Variants in AKAP13 observed in about 807,000 individuals in gnomAD.
AKAP13 encodes A-kinase anchoring protein 13.
In AKAP13, 80 loss-of-function variants were observed where a neutral mutation model predicts 264.5. That is an observed-to-expected ratio of 0.30 (90% confidence interval 0.25 to 0.36). The LOEUF (loss-of-function observed/expected upper bound fraction) is 0.36. AKAP13 is among the 10% of genes least tolerant of loss of function. AKAP13 has a pLI of 1.00. For missense variants in AKAP13, 3,712 were observed against 3,435.2 expected (o/e 1.08, Z -2.01); for synonymous variants, 1,380 against 1,250.2 (o/e 1.10, Z -2.19).
chr15:85,578,428 A>G (rs982990364), intron 6 of AKAP13, among the ~76,000 whole-genome samples: 1 of 151,974 alleles, frequency 6.6e-6, no homozygotes, highest in Non-Finnish European at 1.5e-5. Flanking sequence ...GCTCACTGCA[A>G]CCTCCGCCTC....
At chr15:85,547,521 C>T (rs1289057556) in intron 5 of AKAP13, among the ~76,000 whole-genome samples, 1 of 151,498 alleles carries the variant, frequency 6.6e-6, no homozygotes, top group Non-Finnish European at 1.5e-5. Flanking sequence ...TTAAATCCTA[C>T]CAGATAGTAA....
rs1286077992 is a variant in AKAP13, at chr15:85,439,224, C to G, written c.-11-46486C>G. 2.7e-5 allele frequency among the ~76,000 whole-genome samples: 4 copies of G among 149,826 alleles called. No homozygotes were observed. The South Asian group carries it at 8.5e-4, about 32-fold the overall frequency. ...GCCAAAAAACACATGAAAAAATGCT[C>G]ATCATCACTGGCCATCAGAGAAATG... is the stretch of plus-strand genomic sequence containing the variant. On this transcript the variant is annotated intron_variant, in intron 1 of 36. Transcript: ENST00000394518.
rs150197106 is a variant in AKAP13 at position 85,693,136 on chromosome 15, C to T, written c.5290-141C>T. The T allele has an allele frequency of 1.2e-3, 1,596 of 1,343,156 alleles. 17 individuals carry two copies. The African/African-American group carries it at 0.022, about 18-fold the overall frequency. 83.2% of individuals were successfully genotyped at this position (1,343,156 alleles called of 1,614,324 possible). A position where few individuals can be genotyped will look rare whatever the true frequency, so the allele number is the denominator to read the frequency against. The stretch of plus-strand genomic sequence containing the variant: ...CTTAATTTAAAAAAACAAAACAAAA[C>T]ACTTTGCCCAGAACTTTGTTTCTCA... On this transcript the variant is annotated intron_variant, in intron 16 of 36. Coordinates refer to ENST00000394518, the MANE Select transcript of AKAP13 (RefSeq NM_007200.5).
intron 1 of AKAP13, chr15:85,415,659 G>C: frequency 7.7e-7 from 1 of 1,304,206 alleles, no homozygotes. Flanking sequence ...CTTTGGACAG[G>C]AGTTAACTAA....
chr15:85,424,598 T>C (rs1036569019), intron 1 of AKAP13, among the ~76,000 whole-genome samples: 2 of 152,250 alleles, frequency 1.3e-5, no homozygotes, highest in Non-Finnish European at 2.9e-5. Context: ...GTAATAAGGC[T>C]ATTGTGCTTT....
chr15:85,415,102 C>A, intron 1 of AKAP13: 19 of 575,312 alleles, frequency 3.3e-5, no homozygotes, highest in Non-Finnish European at 3.6e-5. Context: ...CATAATTTTT[C>A]TATAATTAGT....
At chr15:85,647,006 G>A (rs980265950) in intron 10 of AKAP13, among the ~76,000 whole-genome samples, 7 of 152,192 alleles carry the variant, frequency 4.6e-5, no homozygotes, top group African/African-American at 1.4e-4. Flanking sequence ...CTACCAACAC[G>A]GTTCCTTCTA....
At chr15:85,478,867 T>C (rs905127317) in intron 1 of AKAP13, among the ~76,000 whole-genome samples, 6 of 152,160 alleles carry the variant, frequency 3.9e-5, no homozygotes, top group African/African-American at 1.4e-4. Context: ...GTGTGGGTCA[T>C]GATTCCAGAG....
intron 36 of AKAP13, chr15:85,744,102 A>C (rs946291108): frequency 9.1e-6 from 4 of 441,550 alleles, no homozygotes; most frequent in African/African-American, 7.9e-5. Context: ...TCAATGAAGT[A>C]ATTCAAGTCC....
At chr15:85,461,632 G>T in intron 1 of AKAP13, among the ~76,000 whole-genome samples, 1 of 151,994 alleles carries the variant, frequency 6.6e-6, no homozygotes, top group East Asian at 1.9e-4. Context: ...GTTGTTGGGG[G>T]AGGGGTGCAG....
At chr15:85,463,641 C>G (rs777885691) in intron 1 of AKAP13, among the ~76,000 whole-genome samples, 16 of 152,150 alleles carry the variant, frequency 1.1e-4, no homozygotes, top group Non-Finnish European at 1.5e-4. Context: ...TGCCCTTTTT[C>G]TTTGCTTTCC....
At position 85,579,807 on chromosome 15, in the gene AKAP13, C is replaced by T. The variant is rs1419981210; in HGVS notation, c.1739C>T (p.Ala580Val). ...CGAAGTCGTGAGGAGAGTGCTGATG[C>T]TCCAGTAGATCAGAATTCTGTGGTG... ...TSRSREESAD[A>V]PVDQNSVVIP... Residue 580 changes from alanine (A) to valine (V), a missense_variant, in exon 7 of 37, where the codon GCT (alanine) becomes GTT (valine). Ala to Val is a moderately conservative substitution (Grantham distance 64, BLOSUM62 0). Transcript: ENST00000394518. 11 of 1,614,088 alleles carry T rather than the reference C, an allele frequency of 6.8e-6. No homozygotes were observed. The South Asian group carries it at 1.2e-4, about 18-fold the overall frequency.
At chr15:85,582,333 A>G (rs1012141044) in intron 7 of AKAP13, among the ~76,000 whole-genome samples, 1 of 152,154 alleles carries the variant, frequency 6.6e-6, no homozygotes, top group African/African-American at 2.4e-5. Context: ...GCTTAAGCTT[A>G]TAAACACTCC....
chr15:85,435,777 G>C (rs896602200), intron 1 of AKAP13, among the ~76,000 whole-genome samples: 1 of 146,856 alleles, frequency 6.8e-6, no homozygotes, highest in South Asian at 2.2e-4. Flanking sequence ...GAGAGATTTT[G>C]TCACCACCAG....
chr15:85,613,679 T>TA (rs762473477), intron 8 of AKAP13, among the ~76,000 whole-genome samples: 21 of 103,310 alleles, frequency 2.0e-4, no homozygotes, highest in South Asian at 7.4e-4. Flanking sequence ...AGACTCCGTC[T>TA]AAAAAAAAAA....
At chr15:85,603,347 C>G (rs1249724530) in intron 8 of AKAP13, among the ~76,000 whole-genome samples, 9 of 152,212 alleles carry the variant, frequency 5.9e-5, no homozygotes, top group Non-Finnish European at 1.2e-4. Flanking sequence ...ATTCTGGCAC[C>G]AATGCCTTGG....
rs1016735014 is a variant in AKAP13 at position 85,443,729 on chromosome 15, G to T, written c.-11-41981G>T. ...GTGGTACATGACTGTATTTGCATTTGTGTCAGTGGGTAAAAAGCACTGGTT... is the reference window on the plus strand; with the variant it reads ...GTGGTACATGACTGTATTTGCATTTTTGTCAGTGGGTAAAAAGCACTGGTT... On this transcript the variant is annotated intron_variant, in intron 1 of 36. Coordinates refer to ENST00000394518, the MANE Select transcript of AKAP13 (RefSeq NM_007200.5). 6.6e-5 allele frequency among the ~76,000 whole-genome samples: 10 copies of T among 151,176 alleles called. No homozygotes were observed. In the Admixed American group the frequency reaches 6.6e-4, roughly 10 times the overall value.
chr15:85,746,756 G>A lies in AKAP13; in HGVS notation c.*2079G>A, dbSNP rs928417739. On this transcript the variant is annotated 3_prime_UTR_variant, in exon 37 of 37. Coordinates refer to ENST00000394518, the MANE Select transcript of AKAP13 (RefSeq NM_007200.5). ...AGATCTACCCGGGGCTTGGCTGTCTGTTCTGGGCACTGGCTCCGAGTTCCC... is the reference window on the plus strand; with the variant it reads ...AGATCTACCCGGGGCTTGGCTGTCTATTCTGGGCACTGGCTCCGAGTTCCC... 2.0e-5 allele frequency: 3 copies of A among 152,204 alleles called. No homozygotes were observed. The highest frequency in any genetic ancestry group is 7.2e-5 in the African/African-American group (3 of 41,428). 9.4% of individuals were successfully genotyped at this position (152,204 alleles called of 1,614,324 possible). A position where few individuals can be genotyped will look rare whatever the true frequency, so the allele number is the denominator to read the frequency against.
chr15:85,735,088 C>T lies in AKAP13; in HGVS notation c.7379C>T (p.Ser2460Phe), dbSNP rs145294620. 5.8e-5 allele frequency: 94 copies of T among 1,614,202 alleles called. No individual in the cohort carries two copies. The African/African-American group carries it at 1.2e-3, about 20-fold the overall frequency. Reference sequence around the variant, plus strand: ...GAGCAAGATGTGGTCGGTCCCGTTTCCCTGCCCCGGAGAGCAGAGACCTTT... The same window carrying T: ...GAGCAAGATGTGGTCGGTCCCGTTTTCCTGCCCCGGAGAGCAGAGACCTTT... ...PIEQDVVGPV[S>F]LPRRAETFGG... The change falls in exon 31 of 37, where the codon TCC (serine) becomes TTC (phenylalanine). Residue 2460 changes from serine (S) to phenylalanine (F), a missense_variant. Physicochemically the swap from Ser to Phe is radical, Grantham distance 155 (BLOSUM62 -2). Around this residue, in one of 3 missense-constraint regions of AKAP13, gnomAD observed 611 missense variants for 539.3 expected, o/e 1.13. Coordinates refer to ENST00000394518, the MANE Select transcript of AKAP13 (RefSeq NM_007200.5).
Sources: gnomAD v4.1 joint callset for allele counts (sites outside exome capture counted in the v4.1 genomes callset) on GRCh38, gnomAD v4.1.1 for gene constraint, gnomAD v4.1.1 regional missense constraint, MANE v1.5 for transcripts, NCBI Gene and HGNC (gene_info 2026-07-23, HGNC 2026-07-21) for gene names.